The following PEX1 variants were observed in gnomAD, a reference collection of about 807,000 sequenced individuals.
The protein encoded by PEX1 is peroxisomal ATPase PEX1.
PEX1 carries 97 observed loss-of-function variants against 152.5 expected under a neutral mutation model. The ratio of observed to expected loss-of-function variants is 0.64; its 90% CI spans 0.54 to 0.75. The LOEUF (loss-of-function observed/expected upper bound fraction) is 0.75, where lower values mean the gene tolerates loss of function less well. Ranked by LOEUF, PEX1 falls within the 30% of genes least tolerant of loss-of-function variation. The pLI, the probability that PEX1 is intolerant of heterozygous loss-of-function variation, is 0.00. For synonymous variants in PEX1, 485 were observed against 531.6 expected (o/e 0.91, Z 1.21); for missense variants, 1,357 against 1,516.3 (o/e 0.89, Z 1.74).
At chr7:92,519,180 G>T in intron 2 of PEX1, 102 bp from the exon 3 acceptor site, 1 of 705,446 alleles carries the variant, frequency 1.4e-6, no homozygotes, top group Non-Finnish European at 2.5e-6. Flanking sequence ...TTAAGTAGAT[G>T]TGTGTGTATG....
rs1412682486 is a variant in PEX1, at chr7:92,528,325, G to C, written c.111C>G (p.Ala37=). Residue 37 remains alanine, a synonymous_variant, in exon 1 of 24, where the codon GCC becomes GCG. Transcript: ENST00000248633. ...CFLHLPRRLV[A]QLHLLQNQAI... is the part of the protein sequence containing the mutation. Reference sequence around the variant, plus strand: ...AGGTTACCTGCAGCAGATGCAGCTGGGCCACGAGACGCCGCGGCAGGTGGA... The same window carrying C: ...AGGTTACCTGCAGCAGATGCAGCTGCGCCACGAGACGCCGCGGCAGGTGGA... 1 of 1,564,546 alleles carries C rather than the reference G, an allele frequency of 6.4e-7. No individual in the cohort carries two copies. Among genetic ancestry groups the C allele is most frequent in the East Asian group, 2.4e-5 (1 of 42,082 alleles).
intron 16 of PEX1, among the ~76,000 whole-genome samples, chr7:92,498,613 A>T (rs79758797): frequency 0.026 from 3,900 of 152,312 alleles, 204 homozygotes; most frequent in African/African-American, 0.089. Flanking sequence ...TGTTAAACTA[A>T]TATTGCTGAT....
In PEX1 at chr7:92,528,398, C is replaced by G; in HGVS notation, c.38G>C (p.Gly13Ala). 6.3e-7 allele frequency: 1 copy of G among 1,595,914 alleles called. No individual in the cohort carries two copies. Among genetic ancestry groups the G allele is most frequent in the Non-Finnish European group, 8.5e-7 (1 of 1,172,736 alleles). ...GAAGGCCACAGTCACTGCCGCCCCG[C>G]CTCCCCCAGCACCCGCCAGGCGATC... ...GSDRLAGAGGGGAAVTVAFTN... is the reference protein window; with the variant it reads ...GSDRLAGAGGAGAAVTVAFTN... Residue 13 changes from glycine (G) to alanine (A), a missense_variant, in exon 1 of 24, where the codon GGC becomes GCC. Gly to Ala is a moderately conservative substitution (Grantham distance 60). Transcript: ENST00000248633.
Position 92,491,318 on chromosome 7 carries a change from C to T in PEX1, c.3392G>A (p.Gly1131Glu). Reference sequence around the variant, plus strand: ...TCCAAGTTCTGATTCATAAGAGCTTCCAAAGTAGAGCCGGTACATATTGAA... The same window carrying T: ...TCCAAGTTCTGATTCATAAGAGCTTTCAAAGTAGAGCCGGTACATATTGAA... Reference protein sequence around the residue: ...SKFNMYRLYFGSSYESELGNG... With the variant: ...SKFNMYRLYFESSYESELGNG... The change falls in exon 21 of 24, where the codon GGA becomes GAA. Residue 1131 changes from glycine (G) to glutamate (E), a missense_variant. Gly to Glu is a moderately conservative substitution (Grantham distance 98). Coordinates refer to ENST00000248633, the MANE Select transcript of PEX1 (RefSeq NM_000466.3). The T allele has an allele frequency of 2.5e-6, 4 of 1,613,978 alleles. No homozygotes were observed. The highest frequency in any genetic ancestry group is 3.4e-6 in the Non-Finnish European group (4 of 1,179,906).
At chr7:92,522,780 C>A (rs1421104552) in intron 1 of PEX1, among the ~76,000 whole-genome samples, 2 of 151,888 alleles carry the variant, frequency 1.3e-5, no homozygotes, top group Non-Finnish European at 1.5e-5. Flanking sequence ...TATGAAACAC[C>A]AACCAGATGG....
Position 92,494,571 on chromosome 7 carries a change from GAGGAGCA to G in PEX1, c.2835_2841del (p.Ala946GlyfsTer13). 9 of 1,613,888 alleles carry G rather than the reference GAGGAGCA, an allele frequency of 5.6e-6. No homozygotes were observed. The highest frequency in any genetic ancestry group is 7.6e-6 in the Non-Finnish European group (9 of 1,179,830). On this transcript the variant is annotated frameshift_variant, in exon 18 of 24. Transcript: ENST00000248633. LOFTEE classifies it high-confidence loss of function. ...ACTCCTGTATTATCATGACCCCGCC[GAGGAGCA>G]ATGGATTCAAATTCATCAAAGAAAA...
At chr7:92,508,602 T>C (rs1178234666) in intron 9 of PEX1, among the ~76,000 whole-genome samples, 1 of 152,110 alleles carries the variant, frequency 6.6e-6, no homozygotes, top group African/African-American at 2.4e-5. Context: ...TTTGACTTTA[T>C]CGTTTAATCC....
In PEX1 at chr7:92,523,026, T is replaced by C. The variant is rs562017177; in HGVS notation, c.130-781A>G. Among the ~76,000 whole-genome samples the C allele has an allele frequency of 2.6e-5, 4 of 152,316 alleles. No homozygotes were observed. The South Asian group carries it at 8.3e-4, about 32-fold the overall frequency. On this transcript the variant is annotated intron_variant, in intron 1 of 23. Transcript: ENST00000248633. ...TTAAAAAAGCAAAATATAACATTTA[T>C]TCTCATTAAAAAAGCAATTACATTA...
intron 2 of PEX1, among the ~76,000 whole-genome samples, chr7:92,521,655 TCCAACTCCTGA>T (rs1444230701): frequency 6.6e-6 from 1 of 152,100 alleles, no homozygotes; most frequent in Non-Finnish European, 1.5e-5. Context: ...CAGGCTGGTC[TCCAACTCCTGA>T]CCTCAAATTA....
At position 92,504,874 on chromosome 7, in the gene PEX1, G is replaced by T. The variant is rs772780510; in HGVS notation, c.1929C>A (p.Thr643=). 5.6e-6 allele frequency: 9 copies of T among 1,613,696 alleles called. No individual in the cohort carries two copies. The highest frequency in any genetic ancestry group is 7.6e-6 in the Non-Finnish European group (9 of 1,179,716). ...CTGCCTCTGAGAAAGCCACCTCTAG[G>T]GTTTTTTGTATGTTTTCAAGCCTTT... The part of the protein sequence containing the change: ...RGKRLENIQK[T]LEVAFSEAVW... Residue 643 remains threonine (T), a synonymous_variant, in exon 12 of 24, where the codon ACC becomes ACA. Transcript: ENST00000248633.
At chr7:92,512,098 T>C (rs1305823516) in intron 6 of PEX1, among the ~76,000 whole-genome samples, 1 of 152,132 alleles carries the variant, frequency 6.6e-6, no homozygotes, top group Non-Finnish European at 1.5e-5. Flanking sequence ...AGTGGCGCAG[T>C]CTCCACTCAC....
At chr7:92,511,125 T>C in intron 7 of PEX1, 78 bp from the exon 8 acceptor site, 2 of 791,274 alleles carry the variant, frequency 2.5e-6, no homozygotes, top group South Asian at 3.1e-5. Context: ...AATGTCAAAT[T>C]TATTTAAGTT....
At position 92,517,957 on chromosome 7, in the gene PEX1, C is replaced by G. The variant is rs1792876312; in HGVS notation, c.558G>C (p.Glu186Asp). ...LIQPKTRRAK[E>D]NTFSKADAEY... is the part of the protein sequence containing the mutation. ...CAGCATCAGCTTTTGAAAATGTATT[C>G]TCTTTGGCTCGGCGTGTCTTTGGCT... The change falls in exon 5 of 24, where the codon GAG becomes GAC. Residue 186 changes from glutamate (E) to aspartate (D), a missense_variant. By Grantham distance (45) the Glu-to-Asp change is conservative. Transcript: ENST00000248633. 1 of 1,607,624 alleles carries G rather than the reference C, an allele frequency of 6.2e-7. No individual in the cohort carries two copies. The highest frequency in any genetic ancestry group is 8.5e-7 in the Non-Finnish European group (1 of 1,177,440).
intron 8 of PEX1, 62 bp from the exon 9 acceptor site, chr7:92,509,473 G>T: frequency 2.4e-6 from 3 of 1,229,960 alleles, no homozygotes; most frequent in East Asian, 2.4e-5. Flanking sequence ...TGTTTTTCTC[G>T]GGTCCCAGAA....
intron 10 of PEX1, 166 bp from the exon 11 acceptor site, chr7:92,506,510 T>C (rs922724306): frequency 4.2e-5 from 26 of 615,382 alleles, no homozygotes; most frequent in African/African-American, 4.1e-4. Flanking sequence ...AGGCCAGATT[T>C]ACACGGATAG....
chr7:92,512,135 C>T (rs6946709), intron 6 of PEX1, among the ~76,000 whole-genome samples: 4,864 of 150,800 alleles, frequency 0.032, 107 homozygotes, highest in Non-Finnish European at 0.042. Flanking sequence ...CGGGTTCAAG[C>T]GATTCGCTTG....
rs186604627 is a variant in PEX1, at chr7:92,519,883, T to C, written c.274-805A>G. ...TTAAAGGAGTAAAATCCAAAGCCTC[T>C]GCATGTTAAATACTCTAGGTAACCA... On this transcript the variant is annotated intron_variant, in intron 2 of 23. Coordinates refer to ENST00000248633, the MANE Select transcript of PEX1 (RefSeq NM_000466.3). Among the ~76,000 whole-genome samples, 120 of 152,292 alleles carry C rather than the reference T, an allele frequency of 7.9e-4. 2 individuals are homozygous for C. The Middle Eastern group carries it at 0.017, about 22-fold the overall frequency.
chr7:92,517,504 C>T lies in PEX1; in HGVS notation c.1011G>A (p.Lys337=), dbSNP rs142018583. The change falls in exon 5 of 24, where the codon AAG becomes AAA. Residue 337 remains lysine, a synonymous_variant. Coordinates refer to ENST00000248633, the MANE Select transcript of PEX1 (RefSeq NM_000466.3). Reference sequence around the variant, plus strand: ...TTTGCTGTTGCTTTGGAGAAAGTAGCTTAACTAGCTTTCCATATGTCACAG... The same window carrying T: ...TTTGCTGTTGCTTTGGAGAAAGTAGTTTAACTAGCTTTCCATATGTCACAG... ...SFTVTYGKLV[K]LLSPKQQQSK... is the part of the protein sequence containing the mutation. 437 of 1,613,922 alleles carry T rather than the reference C, an allele frequency of 2.7e-4. No individual in the cohort carries two copies. In the African/African-American group the frequency reaches 4.9e-3, roughly 18 times the overall value.
chr7:92,512,781 C>T (rs931357270), intron 6 of PEX1, among the ~76,000 whole-genome samples: 5 of 152,118 alleles, frequency 3.3e-5, no homozygotes, highest in African/African-American at 4.8e-5. Context: ...TGAGCTACCA[C>T]GCCTGGCTTA....
Sources: allele counts gnomAD v4.1 joint callset (sites outside exome capture counted in the v4.1 genomes callset), GRCh38; gene constraint gnomAD v4.1.1; transcripts MANE v1.5; gene names NCBI Gene and HGNC (gene_info 2026-07-23, HGNC 2026-07-21).